MTSS1: variants seen among roughly 807,000 people sequenced by gnomAD.
The protein encoded by MTSS1 is MTSS I-BAR domain containing 1, also known as protein MTSS 1.
MTSS1 carries 18 observed loss-of-function variants against 79.0 expected under a neutral mutation model. The observed-to-expected ratio is 0.23, with a 90% CI of 0.16 to 0.34. The LOEUF (loss-of-function observed/expected upper bound fraction) is 0.34, where lower values mean the gene tolerates loss of function less well. Among genes scored for constraint, MTSS1 ranks in the 10% least tolerant of loss-of-function variants. The probability of loss-of-function intolerance (pLI) is 1.00; values close to 1 mark genes in which losing one functional copy is unlikely to be tolerated. For missense variants in MTSS1, 815 were observed against 986.2 expected (o/e 0.83, Z 2.33); for synonymous variants, 341 against 368.6 (o/e 0.93, Z 0.86).
In MTSS1 at chr8:124,552,858, C is replaced by T. The variant is rs990132126; in HGVS notation, c.*134G>A. On this transcript the variant is annotated 3_prime_UTR_variant, in exon 14 of 14. Coordinates refer to ENST00000518547, the MANE Select transcript of MTSS1 (RefSeq NM_014751.6). Reference sequence around the variant, plus strand: ...GGTTTTAATTCTTATCTAAAGGTGTCGAGTACTTTCAAAAGAGCTATATTC... The same window carrying T: ...GGTTTTAATTCTTATCTAAAGGTGTTGAGTACTTTCAAAAGAGCTATATTC... The T allele has an allele frequency of 4.4e-5, 35 of 798,746 alleles. No homozygotes were observed. The Middle Eastern group carries it at 1.9e-3, about 43-fold the overall frequency. The allele number at this position is 798,746 out of a possible 1,614,324, so 49.5% of individuals were successfully genotyped here. A position where few individuals can be genotyped will look rare whatever the true frequency, so the allele number is the denominator to read the frequency against.
rs114768854 is a variant in MTSS1 at position 124,680,877 on chromosome 8, C to A, written c.208+18649G>T. Among the ~76,000 whole-genome samples the A allele has an allele frequency of 8.7e-3, 1,327 of 152,258 alleles. 27 individuals are homozygous for A. Among genetic ancestry groups the A allele is most frequent in the African/African-American group, 0.031 (1,270 of 41,530 alleles). On this transcript the variant is annotated intron_variant, in intron 3 of 13. Transcript: ENST00000518547. ...CATTGCTTCTCTGCATTTTATGTTACCCCAGTCTCTACTCCTAGGGGAGGA... is the reference window on the plus strand; with the variant it reads ...CATTGCTTCTCTGCATTTTATGTTAACCCAGTCTCTACTCCTAGGGGAGGA...
chr8:124,572,643 T>C (rs1157642574), intron 6 of MTSS1, among the ~76,000 whole-genome samples: 1 of 151,936 alleles, frequency 6.6e-6, no homozygotes, highest in Non-Finnish European at 1.5e-5. Flanking sequence ...TCACGATCTC[T>C]CACCTGAACA....
rs559113564 is a variant in MTSS1, at chr8:124,605,567, G to A, written c.209-14332C>T. Among the ~76,000 whole-genome samples, 207 of 129,756 alleles carry A rather than the reference G, an allele frequency of 1.6e-3. 1 individual carries two copies. The highest frequency in any genetic ancestry group is 5.3e-3 in the African/African-American group (172 of 32,432). 85.1% of individuals were successfully genotyped at this position (129,756 alleles called of 152,430 possible). The stretch of plus-strand genomic sequence containing the variant: ...GCACTGCCTCCCTCCCTGCCCTCTC[G>A]CTGCCTCCCTCCCTGCCCTCTCGCT... On this transcript the variant is annotated intron_variant, in intron 3 of 13. Transcript: ENST00000518547.
chr8:124,636,660 T>G (rs1009154813), intron 3 of MTSS1, among the ~76,000 whole-genome samples: 5 of 152,174 alleles, frequency 3.3e-5, no homozygotes, highest in African/African-American at 1.2e-4. Flanking sequence ...GCTCAGGAAA[T>G]GTACCCAGCT....
chr8:124,573,211 C>A (rs1425356376), intron 6 of MTSS1, among the ~76,000 whole-genome samples: 1 of 152,210 alleles, frequency 6.6e-6, no homozygotes, highest in Non-Finnish European at 1.5e-5. Context: ...CTCCCTCTCT[C>A]CTCTCCCTCT....
intron 3 of MTSS1, among the ~76,000 whole-genome samples, chr8:124,669,306 T>G (rs1457802371): frequency 6.6e-6 from 1 of 152,238 alleles, no homozygotes; most frequent in Non-Finnish European, 1.5e-5. Context: ...ACCGTCTCGC[T>G]CCGCTGAGAT....
At chr8:124,570,603 T>C (rs776984649) in intron 6 of MTSS1, among the ~76,000 whole-genome samples, 16 of 152,190 alleles carry the variant, frequency 1.1e-4, no homozygotes, top group Non-Finnish European at 2.1e-4. Context: ...TCGGGTACTA[T>C]CTGCAGTTTT....
intron 3 of MTSS1, among the ~76,000 whole-genome samples, chr8:124,626,445 T>TG (rs1814684069): frequency 6.6e-6 from 1 of 152,176 alleles, no homozygotes; most frequent in Non-Finnish European, 1.5e-5. Context: ...AAGACCAGCC[T>TG]GGGTAACCTA....
intron 1 of MTSS1, among the ~76,000 whole-genome samples, chr8:124,709,202 G>A (rs911674744): frequency 3.3e-5 from 5 of 152,066 alleles, no homozygotes; most frequent in Middle Eastern, 3.2e-3. Flanking sequence ...AAAGAAACCC[G>A]CAACCCAAGA....
chr8:124,713,103 A>C (rs1831408040), intron 1 of MTSS1, among the ~76,000 whole-genome samples: 1 of 152,348 alleles, frequency 6.6e-6, no homozygotes, highest in Non-Finnish European at 1.5e-5. Context: ...TATTTAAAGT[A>C]TGATTAAATA....
At chr8:124,724,739 C>G (rs1463836255) in intron 1 of MTSS1, among the ~76,000 whole-genome samples, 1 of 152,148 alleles carries the variant, frequency 6.6e-6, no homozygotes, top group Non-Finnish European at 1.5e-5. Context: ...AGCAAAGGCA[C>G]AAAGCTGCTG....
intron 1 of MTSS1, among the ~76,000 whole-genome samples, chr8:124,724,940 C>T (rs1049679439): frequency 1.6e-4 from 25 of 152,172 alleles, no homozygotes; most frequent in African/African-American, 6.0e-4. Context: ...CTCCCCTTTC[C>T]TCTGGAACCA....
intron 2 of MTSS1, 55 bp from the exon 3 acceptor site, chr8:124,699,654 A>G (rs912921865): frequency 1.3e-6 from 2 of 1,525,192 alleles, no homozygotes; most frequent in Admixed American, 1.7e-5. Flanking sequence ...TAGCAAATTC[A>G]TTACAGCTCA....
chr8:124,668,036 C>T (rs1219789812), intron 3 of MTSS1, among the ~76,000 whole-genome samples: 4 of 151,256 alleles, frequency 2.6e-5, no homozygotes, highest in African/African-American at 9.7e-5. Flanking sequence ...TGCAGTGAGC[C>T]ATGATCGCGC....
chr8:124,660,295 AG>A (rs1821758399), intron 3 of MTSS1, among the ~76,000 whole-genome samples: 1 of 152,194 alleles, frequency 6.6e-6, no homozygotes, highest in South Asian at 2.1e-4. Context: ...GCTGTGCCAC[AG>A]AAACAGGGGC....
At position 124,578,357 on chromosome 8, in the gene MTSS1, G is replaced by C. The variant is rs769985931; in HGVS notation, c.460+6730C>G. On this transcript the variant is annotated intron_variant, in intron 6 of 13. Transcript: ENST00000518547. ...TAAATGACAAGAGCCATGTGTTGGT[G>C]CACGCTGTCCTCTCCACCTTGAATA... Among the ~76,000 whole-genome samples the C allele has an allele frequency of 8.3e-4, 127 of 152,220 alleles. 3 individuals carry two copies. The highest frequency in any genetic ancestry group is 9.2e-4 in the Admixed American group (14 of 15,298).
intron 1 of MTSS1, among the ~76,000 whole-genome samples, chr8:124,713,321 C>G (rs1831439921): frequency 6.6e-6 from 1 of 152,192 alleles, no homozygotes; most frequent in Non-Finnish European, 1.5e-5. Context: ...GTTTTTGGTT[C>G]TATTTTTTAA....
rs537882421 is a variant in MTSS1 at position 124,553,161 on chromosome 8, C to T, written c.2099G>A (p.Arg700Gln). The change falls in exon 14 of 14, where the codon CGG (arginine) becomes CAG (glutamine). Residue 700 changes from arginine to glutamine, a missense_variant. Transcript: ENST00000518547. The surrounding 1 kb of genome is among the most constrained non-coding windows in gnomAD (Gnocchi z 6.0). ...GGAGACAGTGGCACTTGGGGGTTCCCGTTCCTGGTCTTCAGCTTCACTTTC... is the reference window on the plus strand; with the variant it reads ...GGAGACAGTGGCACTTGGGGGTTCCTGTTCCTGGTCTTCAGCTTCACTTTC... ...IPESEAEDQE[R>Q]EPPSATVSPG... 1.2e-5 allele frequency: 19 copies of T among 1,614,118 alleles called. No homozygotes were observed. In the South Asian group the frequency reaches 1.2e-4, roughly 10 times the overall value.
intron 3 of MTSS1, among the ~76,000 whole-genome samples, chr8:124,605,628 G>T (rs1472424158): frequency 2.1e-5 from 3 of 144,312 alleles, no homozygotes; most frequent in African/African-American, 2.8e-5. Context: ...CTCCCTCCCT[G>T]CCCTCGCGCT....
Sources: gnomAD v4.1 joint callset for allele counts (sites outside exome capture counted in the v4.1 genomes callset) on GRCh38, gnomAD v4.1.1 for gene constraint, Gnocchi (gnomAD v3.1) non-coding constraint, MANE v1.5 for transcripts, NCBI Gene and HGNC (gene_info 2026-07-23, HGNC 2026-07-21) for gene names.